The following DPP6 variants were observed in gnomAD, a reference collection of about 807,000 sequenced individuals.
The protein encoded by DPP6 is dipeptidyl peptidase like 6, also known as A-type potassium channel modulatory protein DPP6.
A neutral mutation model predicts 122.6 loss-of-function variants in DPP6; 69 were observed. That is an observed-to-expected ratio of 0.56 (90% CI 0.46 to 0.69). The LOEUF is 0.69. DPP6 is among the 30% of genes least tolerant of loss of function. The pLI is 0.00. For missense variants in DPP6, 928 were observed against 1,116.9 expected, an observed-to-expected ratio of 0.83 and a Z score of 2.41; for synonymous variants, 418 against 433.1, an observed-to-expected ratio of 0.97 and a Z score of 0.43.
chr7:153,925,486 G>A (rs1800853032), intron 1 of DPP6, among the ~76,000 whole-genome samples: 1 of 150,758 alleles, frequency 6.6e-6, no homozygotes, highest in South Asian at 2.1e-4. Context: ...GCATGATCGA[G>A]GGTCCCTGTG....
intron 3 of DPP6, among the ~76,000 whole-genome samples, chr7:154,504,398 A>G (rs551509473): frequency 6.6e-6 from 1 of 152,232 alleles, no homozygotes; most frequent in South Asian, 2.1e-4. Context: ...CGTGAGTGTA[A>G]ATTTAGCTGC....
At chr7:154,834,020 G>A (rs1387436591) in intron 16 of DPP6, among the ~76,000 whole-genome samples, 1 of 152,062 alleles carries the variant, frequency 6.6e-6, no homozygotes, top group Admixed American at 6.5e-5. Context: ...CATCAGCACC[G>A]TTTCCAAACA....
Position 153,991,602 on chromosome 7 carries a change from C to T in DPP6, c.51+103868C>T, listed in dbSNP as rs2907721. Reference sequence around the variant, plus strand: ...TTTGCTTAAATCCAGTGGCCTCTGGCTGCACCTGCCTTTGCATCATGACTT... The same window carrying T: ...TTTGCTTAAATCCAGTGGCCTCTGGTTGCACCTGCCTTTGCATCATGACTT... On this transcript the variant is annotated intron_variant, in intron 1 of 25. Coordinates refer to the DPP6 transcript ENST00000404039. Among the ~76,000 whole-genome samples, 144 of 152,216 alleles carry T rather than the reference C, an allele frequency of 9.5e-4. 2 individuals carry two copies. Among genetic ancestry groups the T allele is most frequent in the Non-Finnish European group, 3.4e-4 (23 of 68,036 alleles).
intron 1 of DPP6, among the ~76,000 whole-genome samples, chr7:154,056,585 G>A (rs1051101142): frequency 1.3e-5 from 2 of 152,062 alleles, no homozygotes; most frequent in African/African-American, 4.8e-5. Context: ...TCAGTGACAC[G>A]TGGCTTCTTA....
chr7:154,219,255 G>T (rs1163930795), intron 1 of DPP6, among the ~76,000 whole-genome samples: 4 of 152,214 alleles, frequency 2.6e-5, no homozygotes, highest in African/African-American at 7.2e-5. Flanking sequence ...AGACTCAGTA[G>T]TGAGTGCTTT....
intron 7 of DPP6, among the ~76,000 whole-genome samples, chr7:154,671,917 G>A (rs983832369): frequency 2.0e-5 from 3 of 151,802 alleles, no homozygotes; most frequent in African/African-American, 7.3e-5. Context: ...GGGGCTTCAG[G>A]TTTCACCGTG....
At chr7:153,773,301 G>T in the DPP6 span, among the ~76,000 whole-genome samples, 3 of 137,988 alleles carry the variant, frequency 2.2e-5, no homozygotes, top group African/African-American at 7.9e-5. Flanking sequence ...GTCTGTGTGT[G>T]TATGTGTATT....
At chr7:154,685,944 A>C (rs768583515) in intron 7 of DPP6, among the ~76,000 whole-genome samples, 12 of 152,168 alleles carry the variant, frequency 7.9e-5, no homozygotes, top group Non-Finnish European at 1.5e-4. Flanking sequence ...ACCTATAAAC[A>C]ATAAACTTTT....
intron 1 of DPP6, among the ~76,000 whole-genome samples, chr7:154,388,305 G>A (rs1453963849): frequency 6.6e-6 from 1 of 152,120 alleles, no homozygotes; most frequent in Non-Finnish European, 1.5e-5. Context: ...TATAGTGATT[G>A]AATGAATGAG....
rs1352951445 is a variant in DPP6, at chr7:154,755,335, C to A, written c.884-14082C>A. 6.6e-6 allele frequency among the ~76,000 whole-genome samples: 1 copy of A among 152,010 alleles called. No homozygotes were observed. Among genetic ancestry groups the A allele is most frequent in the Non-Finnish European group, 1.5e-5 (1 of 68,002 alleles). ...CAGCCCAGCATGCACAGGCTCAGAGCCCACAGGTGCACACTGGGGTTGTCA... is the reference window on the plus strand; with the variant it reads ...CAGCCCAGCATGCACAGGCTCAGAGACCACAGGTGCACACTGGGGTTGTCA... On this transcript the variant is annotated intron_variant, in intron 8 of 25. Coordinates refer to ENST00000377770, the MANE Select transcript of DPP6 (RefSeq NM_130797.4). The surrounding 1 kb of genome is among the most constrained non-coding windows in gnomAD (Gnocchi z 4.7).
chr7:154,089,009 G>A (rs1442292067), intron 1 of DPP6, among the ~76,000 whole-genome samples: 1 of 152,086 alleles, frequency 6.6e-6, no homozygotes, highest in African/African-American at 2.4e-5. Context: ...AGCACGTCCA[G>A]CCCAGAAGTC....
At chr7:154,014,087 G>C (rs1236374533) in intron 1 of DPP6, among the ~76,000 whole-genome samples, 1 of 151,858 alleles carries the variant, frequency 6.6e-6, no homozygotes, top group Non-Finnish European at 1.5e-5. Flanking sequence ...TTCCAATAGG[G>C]TCCTTTTGAC....
At chr7:153,971,097 T>C (rs1034429887) in intron 1 of DPP6, among the ~76,000 whole-genome samples, 14 of 152,136 alleles carry the variant, frequency 9.2e-5, no homozygotes, top group African/African-American at 3.4e-4. Flanking sequence ...TAACATTAAG[T>C]GTATTTGCGT....
chr7:154,683,249 T>C (rs1839394110), intron 7 of DPP6, among the ~76,000 whole-genome samples: 1 of 152,158 alleles, frequency 6.6e-6, no homozygotes, highest in African/African-American at 2.4e-5. Context: ...CCAGCCTAGA[T>C]CGCTCTAGAG....
intron 16 of DPP6, among the ~76,000 whole-genome samples, chr7:154,841,714 C>A (rs1301811942): frequency 6.6e-6 from 1 of 151,760 alleles, no homozygotes; most frequent in Admixed American, 6.6e-5. Context: ...GTGCCATTGC[C>A]TCCCCATCTT....
intron 1 of DPP6, among the ~76,000 whole-genome samples, chr7:154,111,184 C>T (rs955349536): frequency 1.3e-5 from 2 of 152,142 alleles, no homozygotes; most frequent in Non-Finnish European, 2.9e-5. Context: ...TGATTATTGT[C>T]AGCTCCATCA....
chr7:154,372,281 C>T (rs561759099), intron 1 of DPP6, among the ~76,000 whole-genome samples: 28 of 152,258 alleles, frequency 1.8e-4, no homozygotes, highest in African/African-American at 6.3e-4. Flanking sequence ...TCATCTTCCT[C>T]GGGGAGTTTT....
chr7:153,817,007 G>C, the DPP6 span, among the ~76,000 whole-genome samples: 1 of 150,714 alleles, frequency 6.6e-6, no homozygotes, highest in Non-Finnish European at 1.5e-5. Context: ...CCCATATGGG[G>C]AAACATAAAA....
chr7:154,366,333 G>T (rs1812186763), intron 1 of DPP6, among the ~76,000 whole-genome samples: 1 of 152,158 alleles, frequency 6.6e-6, no homozygotes, highest in African/African-American at 2.4e-5. Flanking sequence ...AAGATTCCCT[G>T]CATCTACAAC....
Sources: allele counts gnomAD v4.1 joint callset (sites outside exome capture counted in the v4.1 genomes callset), GRCh38; gene constraint gnomAD v4.1.1; non-coding constraint Gnocchi (gnomAD v3.1); transcripts MANE v1.5; gene names NCBI Gene and HGNC (gene_info 2026-07-23, HGNC 2026-07-21).